CFAP47: variants seen among roughly 807,000 people sequenced by gnomAD.
CFAP47 encodes the protein cilia- and flagella-associated protein 47.
Under a neutral mutation model 148.1 loss-of-function variants are expected in CFAP47, and 29 were observed. That is an observed-to-expected ratio of 0.20 (90% CI 0.15 to 0.27). The LOEUF (loss-of-function observed/expected upper bound fraction) is 0.27. Ranked by LOEUF, CFAP47 falls within the 10% of genes least tolerant of loss-of-function variation. The probability of loss-of-function intolerance (pLI) is 1.00; values close to 1 mark genes in which losing one functional copy is unlikely to be tolerated. For missense variants in CFAP47, 1,872 were observed against 1,697.5 expected (o/e 1.10, Z -1.81); for synonymous variants, 664 against 577.3 (o/e 1.15, Z -2.15).
intron 22 of CFAP47, among the ~76,000 whole-genome samples, chrX:36,026,721 T>C (rs779780523): frequency 9.0e-6 from 1 of 110,534 alleles, no homozygotes; most frequent in Non-Finnish European, 1.9e-5. Context: ...GTCAAAGGCC[T>C]TCTTCTTATA....
At position 36,348,111 on chromosome X, in the gene CFAP47, T is replaced by C; in HGVS notation, c.8444-18T>C. The C allele has an allele frequency of 5.4e-6, 5 of 931,857 alleles. No individual in the cohort carries two copies. Among genetic ancestry groups the C allele is most frequent in the Non-Finnish European group, 7.0e-6 (5 of 714,925 alleles). The allele number at this position is 931,857 out of a possible 1,213,427, so 76.8% of individuals were successfully genotyped here. On this transcript the variant is annotated intron_variant, in intron 57 of 63. Transcript: ENST00000378653. ...TTAATATTTACCATATTAAAAATTATTTTTGTGTGTTTTACAGGAATTGCA... is the reference window on the plus strand; with the variant it reads ...TTAATATTTACCATATTAAAAATTACTTTTGTGTGTTTTACAGGAATTGCA...
chrX:36,092,332 A>G (rs935167367), intron 30 of CFAP47, among the ~76,000 whole-genome samples: 6 of 111,542 alleles, frequency 5.4e-5, no homozygotes, highest in African/African-American at 1.6e-4. Flanking sequence ...TAGGTACTCA[A>G]TAAACATTGG....
intron 27 of CFAP47, among the ~76,000 whole-genome samples, chrX:36,066,926 A>AG (rs1169262693): frequency 1.8e-5 from 2 of 112,047 alleles, no homozygotes; most frequent in Non-Finnish European, 3.8e-5. Flanking sequence ...TGCCTTTAAC[A>AG]GGAAAAAAAA....
intron 39 of CFAP47, among the ~76,000 whole-genome samples, chrX:36,174,282 A>G (rs1475596955): frequency 9.0e-6 from 1 of 110,525 alleles, no homozygotes; most frequent in East Asian, 2.8e-4. Context: ...TTTTAATTGG[A>G]GCATACAGTC....
At chrX:36,297,908 A>G (rs1200359577) in intron 51 of CFAP47, among the ~76,000 whole-genome samples, 1 of 111,057 alleles carries the variant, frequency 9.0e-6, no homozygotes, top group Non-Finnish European at 1.9e-5. Context: ...TCTGGGATGA[A>G]GAAAGGCTGT....
intron 45 of CFAP47, among the ~76,000 whole-genome samples, chrX:36,224,007 T>C (rs1409041459): frequency 9.0e-6 from 1 of 110,852 alleles, no homozygotes; most frequent in Non-Finnish European, 1.9e-5. Flanking sequence ...AAAGCTAAAA[T>C]TAAAAAAATT....
intron 22 of CFAP47, among the ~76,000 whole-genome samples, chrX:36,023,507 G>A (rs908765206): frequency 8.9e-6 from 1 of 111,782 alleles, no homozygotes; most frequent in African/African-American, 3.2e-5. Context: ...ATCAGATGGT[G>A]GCAAAACCAA....
At chrX:36,286,770 T>C (rs1437530567) in intron 51 of CFAP47, among the ~76,000 whole-genome samples, 1 of 111,581 alleles carries the variant, frequency 9.0e-6, no homozygotes, top group Non-Finnish European at 1.9e-5. Context: ...GTGCATGATG[T>C]AGCACCTCAG....
At chrX:35,957,939 A>G (rs1488741039) in intron 8 of CFAP47, among the ~76,000 whole-genome samples, 1 of 111,613 alleles carries the variant, frequency 9.0e-6, no homozygotes, top group Non-Finnish European at 1.9e-5. Context: ...TATACAATTC[A>G]GTGATATTAA....
At chrX:35,940,411 G>A (rs186380240) in intron 2 of CFAP47, among the ~76,000 whole-genome samples, 1,174 of 110,977 alleles carry the variant, frequency 0.011, 10 homozygotes, top group African/African-American at 0.036. Context: ...TTTTCTTCTA[G>A]GGTTTTTATG....
intron 39 of CFAP47, among the ~76,000 whole-genome samples, chrX:36,174,525 G>T (rs1208250039): frequency 1.8e-5 from 2 of 109,371 alleles, no homozygotes; most frequent in South Asian, 8.2e-4. Context: ...GCATTTGCTT[G>T]TCTGTAAAGG....
At chrX:36,249,281 C>T (rs1444836071) in intron 48 of CFAP47, among the ~76,000 whole-genome samples, 1 of 110,718 alleles carries the variant, frequency 9.0e-6, no homozygotes. Context: ...AGCTAATTTA[C>T]CTTGACTGAC....
chrX:36,215,540 C>T (rs781896626), intron 45 of CFAP47, among the ~76,000 whole-genome samples: 14 of 110,272 alleles, frequency 1.3e-4, no homozygotes, highest in South Asian at 3.9e-4. Flanking sequence ...AGACAAGTGG[C>T]TGAGGTTGAT....
chrX:36,231,526 G>A (rs1940360012), intron 46 of CFAP47, among the ~76,000 whole-genome samples: 2 of 110,963 alleles, frequency 1.8e-5, no homozygotes, highest in Middle Eastern at 4.6e-3. Context: ...AGACAATGGG[G>A]TTTTCTACGT....
intron 56 of CFAP47, among the ~76,000 whole-genome samples, chrX:36,314,754 AAG>A (rs1425003565): frequency 2.2e-4 from 25 of 111,856 alleles, no homozygotes; most frequent in African/African-American, 6.5e-4. Context: ...AGAGAGGCAA[AAG>A]AGAGTGGAGA....
chrX:36,161,081 C>T (rs1269574256), intron 39 of CFAP47, among the ~76,000 whole-genome samples: 1 of 110,423 alleles, frequency 9.1e-6, no homozygotes, highest in African/African-American at 3.3e-5. Context: ...CTCTTGACCT[C>T]GTGAGCCACC....
chrX:35,946,354 G>T (rs1936085472), intron 3 of CFAP47, among the ~76,000 whole-genome samples: 2 of 111,605 alleles, frequency 1.8e-5, no homozygotes, highest in African/African-American at 3.3e-5. Context: ...ATTTTGTGTT[G>T]CTTCTGAATA....
chrX:36,097,852 T>C (rs1331061025), intron 30 of CFAP47, among the ~76,000 whole-genome samples: 1 of 111,387 alleles, frequency 9.0e-6, no homozygotes, highest in Non-Finnish European at 1.9e-5. Flanking sequence ...ATTGATATAT[T>C]TCTCTAGGTT....
chrX:35,962,138 C>T (rs760749370), intron 8 of CFAP47, among the ~76,000 whole-genome samples: 1 of 111,288 alleles, frequency 9.0e-6, no homozygotes, highest in African/African-American at 3.2e-5. Context: ...ACATTTTCTT[C>T]TCTTATTGAT....
Sources: allele counts gnomAD v4.1 joint callset (sites outside exome capture counted in the v4.1 genomes callset), GRCh38; gene constraint gnomAD v4.1.1; transcripts MANE v1.5; gene names NCBI Gene and HGNC (gene_info 2026-07-23, HGNC 2026-07-21).